Variants in SYN1 observed in about 807,000 individuals in gnomAD.
SYN1 encodes the protein synapsin-1.
SYN1 carries 8 observed loss-of-function variants against 44.6 expected under a neutral mutation model. The observed-to-expected ratio is 0.18, with a 90% CI of 0.11 to 0.32. The LOEUF (loss-of-function observed/expected upper bound fraction) is 0.32, where lower values mean the gene tolerates loss of function less well. Ranked by LOEUF, SYN1 falls within the 10% of genes least tolerant of loss-of-function variation. The pLI is 1.00. For missense variants in SYN1, 451 were observed against 639.4 expected (o/e 0.71, Z 3.18); for synonymous variants, 275 against 280.1 (o/e 0.98, Z 0.18).
At chrX:47,585,730 G>T in intron 5 of SYN1, 1 of 1,193,266 alleles carries the variant, frequency 8.4e-7, no homozygotes, top group Non-Finnish European at 1.1e-6. Flanking sequence ...CTAAATCGTG[G>T]GCTTGTTTCT....
chrX:47,587,778 A>C (rs932524112), intron 5 of SYN1, among the ~76,000 whole-genome samples: 1 of 111,306 alleles, frequency 9.0e-6, no homozygotes, highest in Non-Finnish European at 1.9e-5. Context: ...CCTGCCCCTC[A>C]TACTCCAAAG....
chrX:47,596,457 A>G lies in SYN1; in HGVS notation c.774+8521T>C, dbSNP rs760654626. 1.7e-4 allele frequency among the ~76,000 whole-genome samples: 19 copies of G among 112,616 alleles called. No individual in the cohort carries two copies. The East Asian group carries it at 5.3e-3, about 31-fold the overall frequency. ...ATGCCTAGGATCTCTGGCTGACCTC[A>G]AAACTCTGCACAAGCAGGAAATGAA... On this transcript the variant is annotated intron_variant, in intron 5 of 12. Transcript: ENST00000295987.
intron 5 of SYN1, among the ~76,000 whole-genome samples, chrX:47,579,575 C>A (rs948302078): frequency 9.1e-6 from 1 of 110,416 alleles, no homozygotes; most frequent in Non-Finnish European, 1.9e-5. Flanking sequence ...TCCATGAACA[C>A]CCCTCCCACT....
chrX:47,614,976 C>A (rs748275096), intron 1 of SYN1, among the ~76,000 whole-genome samples: 5 of 110,960 alleles, frequency 4.5e-5, no homozygotes, highest in Non-Finnish European at 9.4e-5. Context: ...CAACCTCCCC[C>A]ACAGGTGTTA....
At chrX:47,608,405 T>C (rs1387371497) in intron 1 of SYN1, among the ~76,000 whole-genome samples, 1 of 112,065 alleles carries the variant, frequency 8.9e-6, no homozygotes, top group Non-Finnish European at 1.9e-5. Context: ...TGCCTGTGTC[T>C]GGCTGTGTGG....
intron 9 of SYN1, 119 bp downstream of exon 9, chrX:47,576,012 G>T: frequency 1.3e-6 from 1 of 743,439 alleles, no homozygotes; most frequent in Non-Finnish European, 2.0e-6. Flanking sequence ...GCACCTTACA[G>T]TGTACTAAGC....
intron 5 of SYN1, among the ~76,000 whole-genome samples, chrX:47,589,595 CAAAA>C (rs779225789): frequency 3.3e-5 from 1 of 29,931 alleles, no homozygotes; most frequent in Non-Finnish European, 6.5e-5. Context: ...GACTCCGTCT[CAAAA>C]AAAAAAAAAA....
intron 1 of SYN1, among the ~76,000 whole-genome samples, chrX:47,618,721 T>G (rs1399685257): frequency 9.0e-6 from 1 of 111,276 alleles, no homozygotes; most frequent in Admixed American, 9.5e-5. Flanking sequence ...AAGGCAAAGC[T>G]TTTGGAGAGA....
chrX:47,593,232 A>G (rs1408768866), intron 5 of SYN1, among the ~76,000 whole-genome samples: 1 of 105,191 alleles, frequency 9.5e-6, no homozygotes, highest in Non-Finnish European at 1.9e-5. Flanking sequence ...TATTTTATTT[A>G]GGATTTTTGC....
chrX:47,588,548 C>T (rs1340545291), intron 5 of SYN1, among the ~76,000 whole-genome samples: 1 of 112,186 alleles, frequency 8.9e-6, no homozygotes, highest in African/African-American at 3.2e-5. Context: ...GCAGAATGGA[C>T]AGGGAGGACC....
In SYN1 at chrX:47,576,635, C is replaced by T; in HGVS notation, c.843G>A (p.Lys281=). The change falls in exon 7 of 13, where the codon AAG becomes AAA. Residue 281 remains lysine (K), a synonymous_variant. Coordinates refer to ENST00000295987, the MANE Select transcript of SYN1 (RefSeq NM_006950.3). ...GHAHSGMGKV[K]VDNQHDFQDI... is the part of the protein sequence containing the mutation. Reference sequence around the variant, plus strand: ...CCTGGAAGTCATGCTGGTTGTCAACCTTGACCTGTGGAAGTGCGGGCAAGG... The same window carrying T: ...CCTGGAAGTCATGCTGGTTGTCAACTTTGACCTGTGGAAGTGCGGGCAAGG... 8.3e-7 allele frequency: 1 copy of T among 1,211,884 alleles called. No individual in the cohort carries two copies. Among genetic ancestry groups the T allele is most frequent in the Non-Finnish European group, 1.1e-6 (1 of 895,610 alleles).
intron 3 of SYN1, 133 bp from the exon 4 acceptor site, chrX:47,605,512 G>A: frequency 1.3e-6 from 1 of 799,883 alleles, no homozygotes; most frequent in Middle Eastern, 4.1e-4. Flanking sequence ...GCACACATGT[G>A]TGAGCTGTTC....
intron 5 of SYN1, among the ~76,000 whole-genome samples, chrX:47,591,486 C>T (rs2057847702): frequency 9.0e-6 from 1 of 110,554 alleles, no homozygotes; most frequent in South Asian, 3.8e-4. Context: ...TTTGGGAGGC[C>T]GAGGCGGGTG....
intron 2 of SYN1, 47 bp downstream of exon 2, chrX:47,607,094 T>G: frequency 8.3e-7 from 1 of 1,206,998 alleles, no homozygotes; most frequent in Non-Finnish European, 1.1e-6. Context: ...GGCCACTCAG[T>G]TTGCAGTATG....
intron 5 of SYN1, among the ~76,000 whole-genome samples, chrX:47,602,631 ACTC>A (rs1473640972): frequency 7.4e-5 from 8 of 107,423 alleles, no homozygotes; most frequent in African/African-American, 2.4e-4. Context: ...ACAGAGCGAG[ACTC>A]CTCCTCAAAA....
rs1290669980 is a variant in SYN1, at chrX:47,574,247, C to A, written c.1737G>T (p.Gly579=). 3 of 1,098,646 alleles carry A rather than the reference C, an allele frequency of 2.7e-6. No homozygotes were observed. Among genetic ancestry groups the A allele is most frequent in the Non-Finnish European group, 3.5e-6 (3 of 846,651 alleles). The allele number at this position is 1,098,646 out of a possible 1,213,427, so 90.5% of individuals were successfully genotyped here. Residue 579 remains glycine, a synonymous_variant, in exon 12 of 13, where the codon GGG becomes GGT. Coordinates refer to ENST00000295987, the MANE Select transcript of SYN1 (RefSeq NM_006950.3). ...GGCGCTGCTGCCCGCCCGGTGGGGC[C>A]CCAGAGGCCTTTGGCGGAGCCGGGC... ...VSGPAPPKAS[G]APPGGQQRQG...
Position 47,594,339 on chromosome X carries a change from C to G in SYN1, c.774+10639G>C, listed in dbSNP as rs751130489. Among the ~76,000 whole-genome samples, 3 of 35,486 alleles carry G rather than the reference C, an allele frequency of 8.5e-5. No homozygotes were observed. In the South Asian group the frequency reaches 6.2e-3, roughly 73 times the overall value. 30.8% of individuals were successfully genotyped at this position (35,486 alleles called of 115,157 possible). On this transcript the variant is annotated intron_variant, in intron 5 of 12. Coordinates refer to ENST00000295987, the MANE Select transcript of SYN1 (RefSeq NM_006950.3). ...CTGAGGCCAGGAGTTCAAGACCAGCCTGGCTAACATGGTGAACCCCATCTC... is the reference window on the plus strand; with the variant it reads ...CTGAGGCCAGGAGTTCAAGACCAGCGTGGCTAACATGGTGAACCCCATCTC...
At position 47,572,993 on chromosome X, in the gene SYN1, G is replaced by C. The variant is rs1449904539; in HGVS notation, c.1989C>G (p.Ser663=). The C allele has an allele frequency of 8.3e-7, 1 of 1,211,371 alleles. No individual in the cohort carries two copies. The highest frequency in any genetic ancestry group is 1.1e-6 in the Non-Finnish European group (1 of 895,317). The change falls in exon 13 of 13, where the codon TCC becomes TCG. Residue 663 remains serine (S), a synonymous_variant. Transcript: ENST00000295987. Reference sequence around the variant, plus strand: ...GGTTGAAGGCATTGGTCAGAGACTGGGATTTGCTAGAGAGAGACAAGGTGG... The same window carrying C: ...GGTTGAAGGCATTGGTCAGAGACTGCGATTTGCTAGAGAGAGACAAGGTGG... ...GGPPHPQLNK[S]QSLTNAFNLP...
rs967983592 is a variant in SYN1 at position 47,609,573 on chromosome X, A to C, written c.378-2375T>G. 4.5e-5 allele frequency among the ~76,000 whole-genome samples: 5 copies of C among 112,140 alleles called. No individual in the cohort carries two copies. The Admixed American group carries it at 4.7e-4, about 11-fold the overall frequency. On this transcript the variant is annotated intron_variant, in intron 1 of 12. Transcript: ENST00000295987. ...CCACCTCAAAGTCTTTTTCCAGGGA[A>C]CCCAACCTAAAACAGTGGGCCATGG...
Sources: allele counts gnomAD v4.1 joint callset (sites outside exome capture counted in the v4.1 genomes callset), GRCh38; gene constraint gnomAD v4.1.1; transcripts MANE v1.5; gene names NCBI Gene and HGNC (gene_info 2026-07-23, HGNC 2026-07-21).